The following CACNA1A variants were observed in gnomAD, a reference collection of about 807,000 sequenced individuals.
The protein encoded by CACNA1A is voltage-dependent P/Q-type calcium channel subunit alpha-1A.
A neutral mutation model predicts 262.4 loss-of-function variants in CACNA1A; 57 were observed. The observed-to-expected ratio is 0.22, with a 90% CI of 0.18 to 0.27. The LOEUF is 0.27. Among genes scored for constraint, CACNA1A ranks in the 10% least tolerant of loss-of-function variants. The pLI is 1.00. For missense variants in CACNA1A, 2,526 were observed against 3,562.8 expected, an observed-to-expected ratio of 0.71 and a Z score of 7.41; for synonymous variants, 1,431 against 1,419.3, an observed-to-expected ratio of 1.01 and a Z score of -0.18.
At position 13,381,505 on chromosome 19, in the gene CACNA1A, G is replaced by A. The variant is rs570113173; in HGVS notation, c.540-9726C>T. Among the ~76,000 whole-genome samples the A allele has an allele frequency of 4.6e-5, 7 of 152,260 alleles. 1 individual carries two copies. Among genetic ancestry groups the A allele is most frequent in the Admixed American group, 2.6e-4 (4 of 15,290 alleles). On this transcript the variant is annotated intron_variant, in intron 3 of 46. Transcript: ENST00000360228. Reference sequence around the variant, plus strand: ...TGCTCAAAGGCCACATGTGGCCAGCGGTGACTGTATCAAACAGCACAAGTG... The same window carrying A: ...TGCTCAAAGGCCACATGTGGCCAGCAGTGACTGTATCAAACAGCACAAGTG...
At chr19:13,501,566 C>T (rs1982383395) in intron 1 of CACNA1A, among the ~76,000 whole-genome samples, 1 of 152,090 alleles carries the variant, frequency 6.6e-6, no homozygotes, top group Non-Finnish European at 1.5e-5. Flanking sequence ...ATGAACTTAC[C>T]ACATGGGGAA....
At chr19:13,375,080 A>AT (rs1377968578) in intron 3 of CACNA1A, among the ~76,000 whole-genome samples, 5 of 151,818 alleles carry the variant, frequency 3.3e-5, no homozygotes, top group African/African-American at 7.3e-5. Context: ...TATCAGGGCC[A>AT]TTTTTTTTCC....
At chr19:13,348,879 G>A (rs567999883) in intron 6 of CACNA1A, among the ~76,000 whole-genome samples, 4 of 151,894 alleles carry the variant, frequency 2.6e-5, no homozygotes, top group South Asian at 2.1e-4. Context: ...GTGGTGGCAC[G>A]CACCTGTAAT....
At chr19:13,465,741 A>G (rs936198545) in intron 1 of CACNA1A, among the ~76,000 whole-genome samples, 1 of 152,186 alleles carries the variant, frequency 6.6e-6, no homozygotes, top group Non-Finnish European at 1.5e-5. Context: ...CGCCCACCTC[A>G]GCCTCCCAAA....
At chr19:13,441,648 A>C (rs1450477066) in intron 3 of CACNA1A, among the ~76,000 whole-genome samples, 1 of 146,588 alleles carries the variant, frequency 6.8e-6, no homozygotes, top group East Asian at 2.1e-4. Context: ...TGGGCAACAG[A>C]GCAAGACCCT....
At chr19:13,331,265 C>T (rs1455291005) in intron 9 of CACNA1A, among the ~76,000 whole-genome samples, 1 of 152,150 alleles carries the variant, frequency 6.6e-6, no homozygotes, top group Admixed American at 6.5e-5. Context: ...GAGACAGAGT[C>T]TTGCTCTGTC....
In CACNA1A at chr19:13,208,789, G is replaced by A. The variant is rs747396290; in HGVS notation, c.6747C>T (p.Pro2249=). 4.5e-6 allele frequency: 7 copies of A among 1,561,196 alleles called. No homozygotes were observed. The highest frequency in any genetic ancestry group is 6.0e-6 in the Non-Finnish European group (7 of 1,161,900). ...GCGCCATGTGCTCTCGGCCCTCGCT[G>A]GGCGAGCGGGACCAGCGCTGGTCCC... The part of the protein sequence containing the change: ...RARDQRWSRS[P]SEGREHMAHR... The change falls in exon 46 of 47, where the codon CCC becomes CCT. Residue 2249 remains proline, a synonymous_variant. Coordinates refer to ENST00000360228, the MANE Select transcript of CACNA1A (RefSeq NM_001127222.2).
chr19:13,237,002 A>C (rs540686362), intron 31 of CACNA1A, among the ~76,000 whole-genome samples: 1 of 152,218 alleles, frequency 6.6e-6, no homozygotes, highest in African/African-American at 2.4e-5. Flanking sequence ...GTTTTTAATT[A>C]AAAATTATTG....
At chr19:13,379,387 A>T (rs1412126797) in intron 3 of CACNA1A, among the ~76,000 whole-genome samples, 1 of 152,182 alleles carries the variant, frequency 6.6e-6, no homozygotes, top group Non-Finnish European at 1.5e-5. Flanking sequence ...AAACCAAAAA[A>T]GGCACGACTC....
chr19:13,397,745 T>A (rs879888131), intron 3 of CACNA1A, among the ~76,000 whole-genome samples: 2 of 152,196 alleles, frequency 1.3e-5, no homozygotes, highest in African/African-American at 4.8e-5. Flanking sequence ...CCATGTAAGC[T>A]CTAGCCAGTG....
chr19:13,302,232 T>C (rs929497562), intron 17 of CACNA1A, among the ~76,000 whole-genome samples: 1 of 152,216 alleles, frequency 6.6e-6, no homozygotes, highest in African/African-American at 2.4e-5. Context: ...CTTTCCCTAC[T>C]GAATTTTTCT....
Position 13,404,346 on chromosome 19 carries a change from C to T in CACNA1A, c.540-32567G>A, listed in dbSNP as rs117976375. The stretch of plus-strand genomic sequence containing the variant: ...CCCTGCACTGTATTCAGCCTCATGC[C>T]ACCTGGGGAACAGTGTGTTCCAGTC... On this transcript the variant is annotated intron_variant, in intron 3 of 46. Coordinates refer to ENST00000360228, the MANE Select transcript of CACNA1A (RefSeq NM_001127222.2). 5.3e-5 allele frequency among the ~76,000 whole-genome samples: 8 copies of T among 152,280 alleles called. No homozygotes were observed. The East Asian group carries it at 1.5e-3, about 29-fold the overall frequency.
In CACNA1A at chr19:13,283,282, G is replaced by C. The variant is rs557721660; in HGVS notation, c.3807C>G (p.Asn1269Lys). ...ALAAEDPVQPNAPRNNVLRYF... is the reference protein window; with the variant it reads ...ALAAEDPVQPKAPRNNVLRYF... Reference sequence around the variant, plus strand: ...TGGGACTCACGTTGTTCCGAGGTGCGTTGGGCTGCACAGGGTCCTCGGCGG... The same window carrying C: ...TGGGACTCACGTTGTTCCGAGGTGCCTTGGGCTGCACAGGGTCCTCGGCGG... Residue 1269 changes from asparagine to lysine, a missense_variant, in exon 22 of 47, where the codon AAC becomes AAG. Physicochemically the swap from Asn to Lys is moderately conservative, Grantham distance 94. Coordinates refer to ENST00000360228, the MANE Select transcript of CACNA1A (RefSeq NM_001127222.2). 2 of 1,613,840 alleles carry C rather than the reference G, an allele frequency of 1.2e-6. No individual in the cohort carries two copies. The highest frequency in any genetic ancestry group is 2.7e-5 in the African/African-American group (2 of 74,920).
intron 6 of CACNA1A, among the ~76,000 whole-genome samples, chr19:13,350,371 C>T (rs1174170142): frequency 5.3e-5 from 8 of 152,142 alleles, no homozygotes; most frequent in Non-Finnish European, 1.2e-4. Context: ...AAGGCACTGG[C>T]AAGATTCTCT....
chr19:13,286,129 T>G (rs544764292), intron 20 of CACNA1A, among the ~76,000 whole-genome samples: 317 of 152,104 alleles, frequency 2.1e-3, no homozygotes, highest in Middle Eastern at 6.8e-3. Flanking sequence ...AACTGACATT[T>G]GCATGTGGCC....
chr19:13,335,672 G>C, intron 7 of CACNA1A, 134 bp downstream of exon 7: 1 of 681,336 alleles, frequency 1.5e-6, no homozygotes, highest in Non-Finnish European at 2.6e-6. Context: ...GCTAATAACA[G>C]TCTGGTAACC....
intron 31 of CACNA1A, chr19:13,244,204 G>A (rs1037605136): frequency 6.6e-6 from 1 of 152,056 alleles, no homozygotes; most frequent in Non-Finnish European, 1.5e-5. Context: ...GTGGTCGCTG[G>A]ACACCTTGCC....
At chr19:13,438,138 G>A (rs1483205679) in intron 3 of CACNA1A, among the ~76,000 whole-genome samples, 1 of 152,156 alleles carries the variant, frequency 6.6e-6, no homozygotes, top group East Asian at 1.9e-4. Context: ...CTGTGCAAGT[G>A]ACACAGTAAT....
At chr19:13,360,338 G>A (rs921349871) in intron 5 of CACNA1A, among the ~76,000 whole-genome samples, 4 of 150,656 alleles carry the variant, frequency 2.7e-5, no homozygotes, top group African/African-American at 7.3e-5. Flanking sequence ...GAGAGAGAGC[G>A]AGAGAGAAGT....
Sources: gnomAD v4.1 joint callset for allele counts (sites outside exome capture counted in the v4.1 genomes callset) on GRCh38, gnomAD v4.1.1 for gene constraint, MANE v1.5 for transcripts, NCBI Gene and HGNC (gene_info 2026-07-23, HGNC 2026-07-21) for gene names.